RSPH14: variants seen among roughly 807,000 people sequenced by gnomAD.
RSPH14 encodes rhabdoid tumor deletion region gene 1.
Under a neutral mutation model 26.7 loss-of-function variants are expected in RSPH14, and 20 were observed. The observed-to-expected ratio is 0.75, with a 90% CI of 0.53 to 1.09. The LOEUF (loss-of-function observed/expected upper bound fraction) is 1.09. RSPH14 is among the 50% of genes least tolerant of loss of function. RSPH14 has a pLI of 0.00. For synonymous variants in RSPH14, 177 were observed against 189.3 expected (o/e 0.93, Z 0.53); for missense variants, 449 against 457.2 (o/e 0.98, Z 0.16).
intron 4 of RSPH14, among the ~76,000 whole-genome samples, chr22:23,111,045 G>T (rs923741502): frequency 1.3e-5 from 2 of 152,210 alleles, no homozygotes; most frequent in Non-Finnish European, 2.9e-5. Context: ...GATAGCACTG[G>T]GATTCCAGCA....
rs779470437 is a variant in RSPH14, at chr22:23,061,914, G to A, written c.685C>T (p.His229Tyr). 6.2e-7 allele frequency: 1 copy of A among 1,614,150 alleles called. No individual in the cohort carries two copies. The highest frequency in any genetic ancestry group is 8.5e-7 in the Non-Finnish European group (1 of 1,180,026). ...ISREGKKQVCHFDVIPILVHL... is the reference protein window; with the variant it reads ...ISREGKKQVCYFDVIPILVHL... Reference sequence around the variant, plus strand: ...ACCAGGATGGGGATGACGTCAAAATGACACACCTGTTTCTTGCCCTCTCGA... The same window carrying A: ...ACCAGGATGGGGATGACGTCAAAATAACACACCTGTTTCTTGCCCTCTCGA... Residue 229 changes from histidine (H) to tyrosine (Y), a missense_variant, in exon 6 of 7, where the codon CAT becomes TAT. By Grantham distance (83) the His-to-Tyr change is moderately conservative (BLOSUM62 2). Coordinates refer to ENST00000216036, the MANE Select transcript of RSPH14 (RefSeq NM_014433.3).
At chr22:23,173,328 G>A in the RSPH14 span, among the ~76,000 whole-genome samples, 1 of 152,112 alleles carries the variant, frequency 6.6e-6, no homozygotes, top group Admixed American at 6.6e-5. Context: ...CAGAGATGGG[G>A]TTTCAACATG....
chr22:23,102,195 C>T lies in RSPH14; in HGVS notation c.421+31831G>A, dbSNP rs530870993. On this transcript the variant is annotated intron_variant, in intron 4 of 6. Transcript: ENST00000216036. ...GCGGCCACCTCAGTGGGCCTTCAGC[C>T]GCTCTGAGCCTGTGGCCAGTGCTCA... is the stretch of plus-strand genomic sequence containing the variant. 5.3e-5 allele frequency among the ~76,000 whole-genome samples: 8 copies of T among 152,356 alleles called. No individual in the cohort carries two copies. In the South Asian group the frequency reaches 8.3e-4, roughly 16 times the overall value.
chr22:23,107,481 CAGG>C (rs1343404671), intron 4 of RSPH14, among the ~76,000 whole-genome samples: 1 of 152,182 alleles, frequency 6.6e-6, no homozygotes. Context: ...TGTCTGAGGA[CAGG>C]AGTTGTGGCC....
At chr22:23,160,280 G>A in the RSPH14 span, among the ~76,000 whole-genome samples, 1 of 152,170 alleles carries the variant, frequency 6.6e-6, no homozygotes, top group Non-Finnish European at 1.5e-5. Context: ...CCTTATCAGA[G>A]TAACAGTGAG....
Position 23,119,450 on chromosome 22 carries a change from C to G in RSPH14, c.421+14576G>C, listed in dbSNP as rs568829032. ...CCTCCCGCTCTGTCTTGTCCCCCAT[C>G]TCTGAGAGCTGCAGGCCTCTGGTCT... On this transcript the variant is annotated intron_variant, in intron 4 of 6. Transcript: ENST00000216036. Among the ~76,000 whole-genome samples, 4 of 152,368 alleles carry G rather than the reference C, an allele frequency of 2.6e-5. No individual in the cohort carries two copies. The South Asian group carries it at 6.2e-4, about 24-fold the overall frequency.
At chr22:23,153,405 A>T in the RSPH14 span, 13 of 235,764 alleles carry the variant, frequency 5.5e-5, no homozygotes, top group Admixed American at 2.6e-4. Flanking sequence ...TGCCCACCCC[A>T]CTCCTCTTGA....
At chr22:23,174,322 T>G in the RSPH14 span, among the ~76,000 whole-genome samples, 1 of 150,866 alleles carries the variant, frequency 6.6e-6, no homozygotes, top group African/African-American at 2.4e-5. Flanking sequence ...GAGGATCACT[T>G]AAGCCCAGGC....
rs973650839 is a variant in RSPH14 at position 23,068,523 on chromosome 22, A to G, written c.422-4390T>C. On this transcript the variant is annotated intron_variant, in intron 4 of 6. Coordinates refer to ENST00000216036, the MANE Select transcript of RSPH14 (RefSeq NM_014433.3). Reference sequence around the variant, plus strand: ...TACAATATTGGTTTGATGCCAGGTGAGATGTCCCTCTCTTACTTTGAGGTC... The same window carrying G: ...TACAATATTGGTTTGATGCCAGGTGGGATGTCCCTCTCTTACTTTGAGGTC... Among the ~76,000 whole-genome samples, 3 of 152,192 alleles carry G rather than the reference A, an allele frequency of 2.0e-5. No individual in the cohort carries two copies. In the East Asian group the frequency reaches 5.8e-4, roughly 29 times the overall value.
At chr22:23,119,526 C>T (rs936540398) in intron 4 of RSPH14, among the ~76,000 whole-genome samples, 7 of 152,192 alleles carry the variant, frequency 4.6e-5, no homozygotes, top group Non-Finnish European at 1.0e-4. Context: ...TCCATCAGCA[C>T]CACACTGCCA....
intron 4 of RSPH14, among the ~76,000 whole-genome samples, chr22:23,090,786 T>G (rs569932003): frequency 6.6e-6 from 1 of 152,276 alleles, no homozygotes; most frequent in African/African-American, 2.4e-5. Flanking sequence ...CCATTTCCAC[T>G]GTAGCACTGG....
chr22:23,106,109 C>G (rs2069465878), intron 4 of RSPH14, among the ~76,000 whole-genome samples: 1 of 152,218 alleles, frequency 6.6e-6, no homozygotes, highest in African/African-American at 2.4e-5. Context: ...TCACGTGACT[C>G]CCGCCACATA....
intron 4 of RSPH14, among the ~76,000 whole-genome samples, chr22:23,104,061 G>A (rs975652803): frequency 5.9e-5 from 9 of 152,120 alleles, no homozygotes; most frequent in Non-Finnish European, 7.4e-5. Context: ...GGATGAACGT[G>A]GGGGTGGTGA....
At chr22:23,069,870 G>A (rs9612226) in intron 4 of RSPH14, among the ~76,000 whole-genome samples, 1 of 152,178 alleles carries the variant, frequency 6.6e-6, no homozygotes, top group African/African-American at 2.4e-5. Context: ...TTTGCAAACA[G>A]AAAGGCTGAG....
the RSPH14 span, chr22:23,159,075 C>A: frequency 6.3e-7 from 1 of 1,587,128 alleles, no homozygotes; most frequent in East Asian, 2.3e-5. Flanking sequence ...AGGGAGGCAG[C>A]ACAGTGGGAA....
chr22:23,094,066 G>T (rs983742595), intron 4 of RSPH14, among the ~76,000 whole-genome samples: 6 of 152,224 alleles, frequency 3.9e-5, no homozygotes, highest in African/African-American at 1.4e-4. Context: ...GGAGTTGAGG[G>T]TGGGGCCTTG....
the RSPH14 span, chr22:23,153,169 C>G: frequency 6.7e-7 from 1 of 1,502,668 alleles, no homozygotes; most frequent in South Asian, 1.1e-5. Flanking sequence ...TCGTGGGCAG[C>G]TTCCTACAGG....
the RSPH14 span, among the ~76,000 whole-genome samples, chr22:23,171,060 C>T: frequency 5.3e-5 from 8 of 152,010 alleles, no homozygotes; most frequent in African/African-American, 1.9e-4. Context: ...CTCTGCCTCC[C>T]GGGTTCAAGC....
At chr22:23,180,149 G>T in the RSPH14 span, 2 of 245,944 alleles carry the variant, frequency 8.1e-6, no homozygotes, top group East Asian at 7.8e-5. Context: ...TGGGGCTTGG[G>T]GACACGCGGC....
Sources: gnomAD v4.1 joint callset for allele counts (sites outside exome capture counted in the v4.1 genomes callset) on GRCh38, gnomAD v4.1.1 for gene constraint, MANE v1.5 for transcripts, NCBI Gene and HGNC (gene_info 2026-07-23, HGNC 2026-07-21) for gene names.